Variants in DNAI3 observed in about 807,000 individuals in gnomAD.
The protein encoded by DNAI3 is dynein axonemal intermediate chain 3.
Under a neutral mutation model 115.5 loss-of-function variants are expected in DNAI3, and 83 were observed. The ratio of observed to expected loss-of-function variants is 0.72; its 90% CI spans 0.60 to 0.86. DNAI3 has a LOEUF of 0.86. DNAI3 is among the 40% of genes least tolerant of loss of function. The probability of loss-of-function intolerance (pLI) is 0.00; values close to 1 mark genes in which losing one functional copy is unlikely to be tolerated. For synonymous variants in DNAI3, 320 were observed against 347.0 expected, an observed-to-expected ratio of 0.92 and a Z score of 0.86; for missense variants, 1,004 against 1,075.8, an observed-to-expected ratio of 0.93 and a Z score of 0.93.
chr1:85,100,806 A>G (rs1451092604), intron 13 of DNAI3, among the ~76,000 whole-genome samples: 38 of 152,224 alleles, frequency 2.5e-4, no homozygotes, highest in Admixed American at 2.1e-3. Context: ...AAAAATGATG[A>G]GTTCATGTCC....
At position 85,062,348 on chromosome 1, in the gene DNAI3, G is replaced by T. The variant is rs1262545240; in HGVS notation, c.-153G>T. 1.3e-5 allele frequency: 2 copies of T among 152,148 alleles called. No individual in the cohort carries two copies. The highest frequency in any genetic ancestry group is 2.1e-4 in the South Asian group (1 of 4,818). The allele number at this position is 152,148 out of a possible 1,614,324, so 9.4% of individuals were successfully genotyped here. ...CGACAGATGCGTCCTGGCAACAGTC[G>T]GCAGAGTTGCTGCGGTTTGTGCCCT... is the stretch of plus-strand genomic sequence containing the variant. On this transcript the variant is annotated 5_prime_UTR_variant, in exon 1 of 23. Transcript: ENST00000294664.
chr1:85,080,708 T>C (rs1269199890), intron 3 of DNAI3, among the ~76,000 whole-genome samples: 1 of 152,158 alleles, frequency 6.6e-6, no homozygotes, highest in Non-Finnish European at 1.5e-5. Flanking sequence ...TTTAAATCTA[T>C]CCCAAGAAAA....
chr1:85,082,929 A>G (rs965094571), intron 5 of DNAI3, among the ~76,000 whole-genome samples: 11 of 152,156 alleles, frequency 7.2e-5, no homozygotes, highest in African/African-American at 2.7e-4. Flanking sequence ...AACTTTGAGT[A>G]AGTTACTGAG....
chr1:85,103,953 T>A (rs1011641874), intron 13 of DNAI3, among the ~76,000 whole-genome samples: 8 of 148,986 alleles, frequency 5.4e-5, no homozygotes, highest in Admixed American at 2.0e-4. Context: ...TATAGGTAAA[T>A]GTTCAAATTA....
intron 17 of DNAI3, among the ~76,000 whole-genome samples, chr1:85,118,962 A>G (rs1216711376): frequency 2.6e-5 from 4 of 152,150 alleles, no homozygotes; most frequent in Non-Finnish European, 5.9e-5. Context: ...AGTTTGGTGT[A>G]AGAGGGAAAG....
chr1:85,094,254 T>C, intron 9 of DNAI3, 177 bp from the exon 10 acceptor site: 1 of 756,696 alleles, frequency 1.3e-6, no homozygotes, highest in Non-Finnish European at 2.2e-6. Context: ...TTTCAAGTGC[T>C]AAATAAGTAG....
chr1:85,063,547 C>G (rs1654004479), intron 1 of DNAI3, among the ~76,000 whole-genome samples: 1 of 152,198 alleles, frequency 6.6e-6, no homozygotes, highest in East Asian at 1.9e-4. Flanking sequence ...GCAAGACTGT[C>G]TCACAATGCT....
intron 13 of DNAI3, among the ~76,000 whole-genome samples, chr1:85,099,999 G>C (rs1013547730): frequency 1.3e-5 from 2 of 152,176 alleles, no homozygotes; most frequent in Non-Finnish European, 2.9e-5. Flanking sequence ...TTGCATGTTA[G>C]ACCTAAAACC....
At chr1:85,094,371 A>G (rs1655066600) in intron 9 of DNAI3, 60 bp from the exon 10 acceptor site, 1 of 1,600,866 alleles carries the variant, frequency 6.2e-7, no homozygotes, top group East Asian at 2.2e-5. Context: ...AGCAAAAGCT[A>G]GAGACATCTC....
intron 18 of DNAI3, among the ~76,000 whole-genome samples, chr1:85,122,628 A>T (rs188928917): frequency 2.3e-3 from 358 of 152,352 alleles, no homozygotes; most frequent in South Asian, 5.8e-3. Context: ...AGTCTTCAGA[A>T]CACCATGAGG....
intron 8 of DNAI3, among the ~76,000 whole-genome samples, chr1:85,090,812 A>G (rs756905351): frequency 2.6e-5 from 4 of 152,146 alleles, no homozygotes; most frequent in Non-Finnish European, 5.9e-5. Context: ...AAACAGCTTG[A>G]CAAGTTCTCA....
chr1:85,096,165 C>G (rs1204793713), intron 11 of DNAI3, 145 bp downstream of exon 11: 24 of 705,998 alleles, frequency 3.4e-5, no homozygotes, highest in Non-Finnish European at 5.6e-5. Context: ...CACCAGGAAG[C>G]AGGGTATAGA....
intron 13 of DNAI3, among the ~76,000 whole-genome samples, chr1:85,103,888 A>AAATAATAATAAT (rs71075819): frequency 9.3e-5 from 13 of 140,454 alleles, no homozygotes; most frequent in African/African-American, 1.3e-4. Context: ...TGCCTTCTCA[A>AAATAATAATAAT]AATAATAATA....
intron 17 of DNAI3, among the ~76,000 whole-genome samples, chr1:85,118,794 G>A (rs1655907387): frequency 6.6e-6 from 1 of 152,226 alleles, no homozygotes; most frequent in East Asian, 1.9e-4. Context: ...CCGATAGGAA[G>A]AAGGAGGTTG....
intron 3 of DNAI3, among the ~76,000 whole-genome samples, chr1:85,074,829 C>T (rs1055589179): frequency 1.1e-4 from 16 of 152,122 alleles, no homozygotes; most frequent in Non-Finnish European, 1.9e-4. Flanking sequence ...TTTAAAGACT[C>T]CTTATTTAAT....
chr1:85,104,437 A>G, intron 13 of DNAI3, 87 bp from the exon 14 acceptor site: 1 of 1,186,720 alleles, frequency 8.4e-7, no homozygotes, highest in South Asian at 1.3e-5. Context: ...TTCTTTTATT[A>G]ACATTTAAAA....
chr1:85,101,585 G>A (rs973559388), intron 13 of DNAI3, among the ~76,000 whole-genome samples: 78 of 151,832 alleles, frequency 5.1e-4, no homozygotes, highest in African/African-American at 1.8e-3. Context: ...AAAATTAGCC[G>A]GGCGTGGTGG....
chr1:85,102,383 A>T (rs1655354080), intron 13 of DNAI3, among the ~76,000 whole-genome samples: 1 of 152,158 alleles, frequency 6.6e-6, no homozygotes, highest in Non-Finnish European at 1.5e-5. Flanking sequence ...AAATAACAAA[A>T]TGGAGGAAAA....
intron 18 of DNAI3, among the ~76,000 whole-genome samples, chr1:85,122,976 G>T (rs1300649086): frequency 6.6e-6 from 1 of 152,108 alleles, no homozygotes. Flanking sequence ...TGGGACCTGG[G>T]GCAGAGGCTA....
Sources: gnomAD v4.1 joint callset for allele counts (sites outside exome capture counted in the v4.1 genomes callset) on GRCh38, gnomAD v4.1.1 for gene constraint, MANE v1.5 for transcripts, NCBI Gene and HGNC (gene_info 2026-07-23, HGNC 2026-07-21) for gene names.